NBPF8: variants seen among roughly 807,000 people sequenced by gnomAD.
NBPF8 encodes NBPF member 8.
At chr1:120,434,492 T>C (rs1202402062), upstream of NBPF8, among the ~76,000 whole-genome samples, 10 of 147,836 alleles carry the variant, frequency 6.8e-5, no homozygotes, top group Admixed American at 4.1e-4. Context: ...TTTCTCCTAA[T>C]GCTATCCCTC....
chr1:120,461,364 C>T, exon 19 of NBPF8: 1 of 1,058,104 alleles, frequency 9.5e-7, no homozygotes, highest in Non-Finnish European at 1.4e-6. Flanking sequence ...TCATGCCAGC[C>T]CTACAGAAGT....
chr1:120,419,601 AG>A (rs1660518237), upstream of NBPF8, among the ~76,000 whole-genome samples: 1 of 152,032 alleles, frequency 6.6e-6, no homozygotes, highest in Non-Finnish European at 1.5e-5. Context: ...TGAGACTACA[AG>A]TGTGTGCCAC....
At chr1:120,421,496 C>T (rs1221546817) in intron 1 of NBPF8, among the ~76,000 whole-genome samples, 1 of 147,782 alleles carries the variant, frequency 6.8e-6, no homozygotes, top group Non-Finnish European at 1.5e-5. Context: ...CCCTGCCTTC[C>T]TCCCTCCCTC....
At chr1:120,454,216 G>A (rs9424753) in intron 15 of NBPF8, 102 bp downstream of exon 13, 1 of 1,499,556 alleles carries the variant, frequency 6.7e-7, no homozygotes, top group Non-Finnish European at 9.2e-7. Flanking sequence ...ATAAAAAACT[G>A]TGATGGGTTT....
rs1553248969 is a variant in NBPF8, at chr1:120,452,179, G to A, written n.2137G>A. ...CTGACCCAGTTAAGGGAGAAGTTGC[G>A]GGAAGGGAGAGATGCCTCCCTCTCA... On this transcript the variant is annotated non_coding_transcript_exon_variant, in exon 13 of 25. Coordinates refer to ENST00000583271, the Ensembl canonical transcript of NBPF8. 8.2e-5 allele frequency: 130 copies of A among 1,593,560 alleles called. 1 individual carries two copies. The highest frequency in any genetic ancestry group is 6.5e-4 in the East Asian group (29 of 44,630).
upstream of NBPF8, among the ~76,000 whole-genome samples, chr1:120,431,474 A>G (rs1357085327): frequency 0.034 from 5,029 of 149,618 alleles, 311 homozygotes; most frequent in African/African-American, 0.12. Context: ...CAATTTCTCA[A>G]AAGACTTAGA....
intron 15 of NBPF8, 92 bp downstream of exon 13, chr1:120,454,206 A>G: frequency 6.7e-7 from 1 of 1,487,676 alleles, no homozygotes; most frequent in Non-Finnish European, 9.3e-7. Context: ...ATTCATTTGA[A>G]TAAAAAACTG....
At position 120,449,392 on chromosome 1, in the gene NBPF8, G is replaced by A. The variant is rs188186385; in HGVS notation, n.1961G>A. On this transcript the variant is annotated non_coding_transcript_exon_variant, in exon 11 of 25. Transcript: ENST00000583271. The stretch of plus-strand genomic sequence containing the variant: ...TGGCCGGCTTCCTGGCCAACCGACA[G>A]AACAAATACAGTAAGATCTACAGGC... 9.8e-5 allele frequency: 142 copies of A among 1,450,986 alleles called. No homozygotes were observed. In the Middle Eastern group the frequency reaches 1.1e-3, roughly 12 times the overall value. 89.9% of individuals were successfully genotyped at this position (1,450,986 alleles called of 1,614,324 possible).
chr1:120,460,821 C>T (rs1297754564), intron 18 of NBPF8, among the ~76,000 whole-genome samples, 197 bp downstream of exon 16: 15 of 151,998 alleles, frequency 9.9e-5, no homozygotes, highest in Non-Finnish European at 2.1e-4. Flanking sequence ...CATTTACTAA[C>T]CTAGTGAAAG....
chr1:120,455,711 C>CA (rs1661416368), intron 16 of NBPF8, among the ~76,000 whole-genome samples: 1 of 140,616 alleles, frequency 7.1e-6, no homozygotes, highest in Non-Finnish European at 1.5e-5. Flanking sequence ...TTGATCTTTT[C>CA]AAAAAACCAG....
At chr1:120,435,726 C>A (rs1298119197), upstream of NBPF8, among the ~76,000 whole-genome samples, 2 of 151,546 alleles carry the variant, frequency 1.3e-5, no homozygotes, top group Admixed American at 1.3e-4. Context: ...ATTAGCCAGG[C>A]GTGGTGGCGG....
upstream of NBPF8, among the ~76,000 whole-genome samples, chr1:120,415,404 G>C (rs1228085264): frequency 4.6e-5 from 7 of 151,970 alleles, no homozygotes; most frequent in African/African-American, 1.7e-4. Context: ...GGGTTGGGAG[G>C]GCGTGTGTTC....
At chr1:120,466,024 G>T (rs1424611904) in exon 25 of NBPF8, 15 of 1,611,894 alleles carry the variant, frequency 9.3e-6, no homozygotes, top group Non-Finnish European at 1.3e-5. Context: ...AGTCTTACAG[G>T]ACTCACTGGA....
Position 120,460,511 on chromosome 1 carries a change from A to G in NBPF8, n.2785-62A>G, listed in dbSNP as rs1271127529. 37 of 923,558 alleles carry G rather than the reference A, an allele frequency of 4.0e-5. No homozygotes were observed. The African/African-American group carries it at 5.7e-4, about 14-fold the overall frequency. The allele number at this position is 923,558 out of a possible 1,614,324, so 57.2% of individuals were successfully genotyped here. On this transcript the variant is annotated intron_variant and non_coding_transcript_variant, in intron 17 of 24. Coordinates refer to ENST00000583271, the Ensembl canonical transcript of NBPF8. Reference sequence around the variant, plus strand: ...CCCTGTGTTAGGATTGGACAGAGGAATGTTTCTGTGTGCAAGGAAGAACTG... The same window carrying G: ...CCCTGTGTTAGGATTGGACAGAGGAGTGTTTCTGTGTGCAAGGAAGAACTG...
At chr1:120,428,595 G>A (rs1660786396) in intron 3 of NBPF8, among the ~76,000 whole-genome samples, 1 of 152,180 alleles carries the variant, frequency 6.6e-6, no homozygotes. Flanking sequence ...TCTTGCAGAA[G>A]CAAAGCATGG....
intron 1 of NBPF8, among the ~76,000 whole-genome samples, chr1:120,422,200 G>T (rs1238009373): frequency 6.6e-6 from 1 of 152,108 alleles, no homozygotes; most frequent in African/African-American, 2.4e-5. Context: ...TATTAGTGTG[G>T]TCCATTCATT....
intron 1 of NBPF8, among the ~76,000 whole-genome samples, chr1:120,421,102 T>C (rs1373926332): frequency 6.6e-6 from 1 of 151,518 alleles, no homozygotes; most frequent in African/African-American, 2.4e-5. Context: ...TGGGATCCAC[T>C]GTCTCATCTC....
At chr1:120,436,634 C>T (rs2101620817) in exon 1 of NBPF8, 5 of 1,569,680 alleles carry the variant, frequency 3.2e-6, no homozygotes, top group East Asian at 2.2e-5. Context: ...GTTCGTAAAC[C>T]TCAAAGAGAG....
exon 18 of NBPF8, chr1:120,460,584 G>A (rs1206814221): frequency 0.42 from 611,498 of 1,439,238 alleles, 139,361 homozygotes; most frequent in African/African-American, 0.69. Flanking sequence ...ACATCGGTGG[G>A]ATCAAGTGAA....
Sources: allele counts gnomAD v4.1 joint callset (sites outside exome capture counted in the v4.1 genomes callset), GRCh38; gene constraint gnomAD v4.1.1; transcripts MANE v1.5; gene names NCBI Gene and HGNC (gene_info 2026-07-23, HGNC 2026-07-21).